The following KLF12 variants were observed in gnomAD, a reference collection of about 807,000 sequenced individuals.
KLF12 encodes the protein Krueppel-like factor 12.
A neutral mutation model predicts 37.8 loss-of-function variants in KLF12; 9 were observed. That is an observed-to-expected ratio of 0.24 (90% CI 0.14 to 0.42). The LOEUF is 0.42. Ranked by LOEUF, KLF12 falls within the 10% of genes least tolerant of loss-of-function variation. KLF12 has a pLI of 1.00. For missense variants in KLF12, 411 were observed against 516.0 expected (o/e 0.80, Z 1.97); for synonymous variants, 208 against 202.1 (o/e 1.03, Z -0.25).
intron 1 of KLF12, among the ~76,000 whole-genome samples, chr13:74,133,472 G>A (rs1426794862): frequency 6.6e-6 from 1 of 151,982 alleles, no homozygotes; most frequent in African/African-American, 2.4e-5. Context: ...AATTAGGGGA[G>A]GTGGGGAAGA....
intron 1 of KLF12, among the ~76,000 whole-genome samples, chr13:74,027,811 C>T (rs954168044): frequency 6.6e-6 from 1 of 152,162 alleles, no homozygotes; most frequent in African/African-American, 2.4e-5. Context: ...TGACCATACA[C>T]ATTCTTCACA....
intron 5 of KLF12, among the ~76,000 whole-genome samples, chr13:73,784,980 G>A (rs372995418): frequency 1.3e-5 from 2 of 151,938 alleles, no homozygotes; most frequent in East Asian, 1.9e-4. Context: ...TACCCTGTCT[G>A]CACAGACATT....
At chr13:74,115,156 TAC>T (rs2138948214) in intron 1 of KLF12, among the ~76,000 whole-genome samples, 1 of 152,336 alleles carries the variant, frequency 6.6e-6, no homozygotes, top group South Asian at 2.1e-4. Flanking sequence ...GAACTTTCTG[TAC>T]AATTATTTTT....
chr13:73,856,254 T>A (rs1885602317), intron 3 of KLF12, among the ~76,000 whole-genome samples: 1 of 152,178 alleles, frequency 6.6e-6, no homozygotes, highest in African/African-American at 2.4e-5. Flanking sequence ...CTTCTGCTAA[T>A]CAGGTGTGAG....
At chr13:74,071,469 A>G (rs559582150) in intron 1 of KLF12, among the ~76,000 whole-genome samples, 39 of 152,054 alleles carry the variant, frequency 2.6e-4, no homozygotes, top group South Asian at 1.3e-3. Context: ...GGCGGATCAC[A>G]AGGTCAGGAG....
the KLF12 span, among the ~76,000 whole-genome samples, chr13:74,162,220 G>A: frequency 2.6e-5 from 4 of 152,186 alleles, no homozygotes; most frequent in African/African-American, 9.6e-5. Flanking sequence ...TGGGTTCAAG[G>A]CAGCTATTCA....
chr13:74,031,375 G>T (rs1893107815), intron 1 of KLF12, among the ~76,000 whole-genome samples: 2 of 152,126 alleles, frequency 1.3e-5, no homozygotes, highest in African/African-American at 4.8e-5. Context: ...GTTGAGTGAA[G>T]TAGACAAAAT....
At chr13:74,212,577 A>T in the KLF12 span, among the ~76,000 whole-genome samples, 1 of 152,212 alleles carries the variant, frequency 6.6e-6, no homozygotes, top group Non-Finnish European at 1.5e-5. Flanking sequence ...TATGAAATCA[A>T]GTAGGGCCCA....
intron 1 of KLF12, among the ~76,000 whole-genome samples, chr13:74,058,001 C>T (rs1391782559): frequency 6.7e-6 from 1 of 149,708 alleles, no homozygotes; most frequent in Non-Finnish European, 1.5e-5. Context: ...GAGTCTCACT[C>T]TGTCACCCAG....
chr13:74,243,121 A>G, the KLF12 span, among the ~76,000 whole-genome samples: 1 of 151,922 alleles, frequency 6.6e-6, no homozygotes, highest in Non-Finnish European at 1.5e-5. Context: ...CCCACCCCTG[A>G]CAGGCCCCGG....
At chr13:73,706,740 C>T (rs1441515269) in intron 7 of KLF12, among the ~76,000 whole-genome samples, 1 of 152,160 alleles carries the variant, frequency 6.6e-6, no homozygotes, top group Non-Finnish European at 1.5e-5. Context: ...TTTCCTATTA[C>T]GTATTATTTT....
intron 6 of KLF12, among the ~76,000 whole-genome samples, chr13:73,740,660 C>A (rs1377294906): frequency 1.3e-5 from 2 of 152,082 alleles, no homozygotes; most frequent in Admixed American, 1.3e-4. Context: ...AAAATGAGTT[C>A]AATTCTTGAT....
chr13:74,106,964 A>C (rs1418876423), intron 1 of KLF12, among the ~76,000 whole-genome samples: 2 of 152,190 alleles, frequency 1.3e-5, no homozygotes, highest in Non-Finnish European at 2.9e-5. Flanking sequence ...AAAACACCTT[A>C]GACTGGTTAA....
chr13:74,208,374 G>A, the KLF12 span, among the ~76,000 whole-genome samples: 1 of 151,942 alleles, frequency 6.6e-6, no homozygotes, highest in Non-Finnish European at 1.5e-5. Context: ...AGCTTTTTGT[G>A]GCCAATCTAT....
At chr13:73,881,615 A>AT (rs1202996363) in intron 3 of KLF12, among the ~76,000 whole-genome samples, 2 of 152,070 alleles carry the variant, frequency 1.3e-5, no homozygotes, top group African/African-American at 4.8e-5. Context: ...TTTCACTCTC[A>AT]TTTTGCATCT....
At chr13:74,244,670 G>A in the KLF12 span, among the ~76,000 whole-genome samples, 1 of 152,134 alleles carries the variant, frequency 6.6e-6, no homozygotes, top group East Asian at 1.9e-4. Flanking sequence ...CCTGAAGTGG[G>A]CCATCACAAA....
At chr13:73,795,642 G>T (rs1881918656) in intron 5 of KLF12, among the ~76,000 whole-genome samples, 1 of 152,010 alleles carries the variant, frequency 6.6e-6, no homozygotes, top group Non-Finnish European at 1.5e-5. Context: ...ATAATACCTG[G>T]GCACTTTACA....
intron 5 of KLF12, among the ~76,000 whole-genome samples, chr13:73,789,802 G>A (rs939562014): frequency 4.6e-5 from 7 of 151,736 alleles, no homozygotes; most frequent in Admixed American, 2.6e-4. Context: ...TCAGCCTCCC[G>A]AGTAGCTGGG....
At chr13:74,086,114 T>TTTA (rs778902469) in intron 1 of KLF12, among the ~76,000 whole-genome samples, 135 of 151,150 alleles carry the variant, frequency 8.9e-4, no homozygotes, top group Admixed American at 3.5e-3. Context: ...ATCACTAATT[T>TTTA]TTATTATTAT....
Sources: gnomAD v4.1 joint callset for allele counts (sites outside exome capture counted in the v4.1 genomes callset) on GRCh38, gnomAD v4.1.1 for gene constraint, MANE v1.5 for transcripts, NCBI Gene and HGNC (gene_info 2026-07-23, HGNC 2026-07-21) for gene names.